Variants in COX7A2L observed in about 807,000 individuals in gnomAD.
The protein encoded by COX7A2L is cytochrome c oxidase subunit 7A2-like, mitochondrial.
COX7A2L carries 18 observed loss-of-function variants against 14.2 expected under a neutral mutation model. That is an observed-to-expected ratio of 1.27 (90% confidence interval 0.88 to 1.88). COX7A2L has a LOEUF of 1.88. Ranked by LOEUF, COX7A2L falls within the 40% of genes most tolerant of loss-of-function variation. The probability of loss-of-function intolerance (pLI) is 0.00; values close to 1 mark genes in which losing one functional copy is unlikely to be tolerated. For synonymous variants in COX7A2L, 65 were observed against 57.4 expected (o/e 1.13, Z -0.60); for missense variants, 179 against 138.8 (o/e 1.29, Z -1.46).
At chr2:42,367,042 T>A (rs1389969053) in intron 1 of COX7A2L, among the ~76,000 whole-genome samples, 1 of 152,216 alleles carries the variant, frequency 6.6e-6, no homozygotes, top group Non-Finnish European at 1.5e-5. Context: ...AATTTAAAAA[T>A]CAGATCACTT....
At chr2:42,337,142 C>T (rs376679863) in intron 2 of COX7A2L, among the ~76,000 whole-genome samples, 3 of 152,168 alleles carry the variant, frequency 2.0e-5, no homozygotes, top group African/African-American at 7.2e-5. Flanking sequence ...TACTCATGCA[C>T]TGAAACCATC....
chr2:42,352,969 T>G (rs1471283709), intron 2 of COX7A2L: 2 of 552,804 alleles, frequency 3.6e-6, no homozygotes, highest in South Asian at 5.5e-5. Flanking sequence ...GAGCTATTCA[T>G]GCCATTTCAA....
At chr2:42,357,020 C>A (rs1352329417) in intron 1 of COX7A2L, among the ~76,000 whole-genome samples, 14 of 152,178 alleles carry the variant, frequency 9.2e-5, no homozygotes, top group Admixed American at 9.2e-4. Flanking sequence ...GCCCCACCTC[C>A]AAAATTAATT....
rs896965343 is a variant in COX7A2L at position 42,349,476 on chromosome 2, T to C, written c.*1743A>G. ...GATGGTGGGAGGGAAGGCAAGTGAT[T>C]GCTAATGGGTATGGGGTTTCTTTTT... is the stretch of plus-strand genomic sequence containing the variant. On this transcript the variant is annotated 3_prime_UTR_variant, in exon 3 of 3. Transcript: ENST00000234301. 2.0e-5 allele frequency: 3 copies of C among 152,212 alleles called. No individual in the cohort carries two copies. Among genetic ancestry groups the C allele is most frequent in the African/African-American group, 7.2e-5 (3 of 41,446 alleles). The allele number at this position is 152,212 out of a possible 1,614,324, so 9.4% of individuals were successfully genotyped here.
chr2:42,344,068 C>A (rs953654944), intron 2 of COX7A2L, among the ~76,000 whole-genome samples: 1 of 152,200 alleles, frequency 6.6e-6, no homozygotes, highest in Non-Finnish European at 1.5e-5. Flanking sequence ...TTCAACCTTT[C>A]TTACCCTTGT....
At chr2:42,354,575 G>T (rs116531013) in intron 1 of COX7A2L, among the ~76,000 whole-genome samples, 1,615 of 152,166 alleles carry the variant, frequency 0.011, 34 homozygotes, top group African/African-American at 0.036. Context: ...AATTGACAGG[G>T]CATATTATAA....
intron 1 of COX7A2L, among the ~76,000 whole-genome samples, chr2:42,357,430 T>C (rs1558634621): frequency 6.6e-6 from 1 of 152,144 alleles, no homozygotes; most frequent in African/African-American, 2.4e-5. Context: ...CGCGTCAGCC[T>C]CCTGAGTAGC....
rs1360608030 is a variant in COX7A2L at position 42,339,113 on chromosome 2, T to A, written c.193-5244A>T. Among the ~76,000 whole-genome samples the A allele has an allele frequency of 7.2e-5, 11 of 152,252 alleles. No homozygotes were observed. Among genetic ancestry groups the A allele is most frequent in the Non-Finnish European group, 2.9e-5 (2 of 68,038 alleles). Reference sequence around the variant, plus strand: ...AAGCTGCCGTTCACCATGCCAAAGCTGAAGTGGTTTCTATGGGAAACTCTC... The same window carrying A: ...AAGCTGCCGTTCACCATGCCAAAGCAGAAGTGGTTTCTATGGGAAACTCTC... On this transcript the variant is annotated intron_variant, in intron 2 of 2. Transcript: ENST00000468711. This position sits in a 1 kb window ranked among gnomAD's most constrained non-coding sequence, Gnocchi z 5.4.
At chr2:42,352,984 C>A in intron 2 of COX7A2L, 1 of 576,354 alleles carries the variant, frequency 1.7e-6, no homozygotes, top group East Asian at 3.0e-5. Context: ...TTTCAAAACC[C>A]TCACACCCTT....
rs543751649 is a variant in COX7A2L at position 42,359,100 on chromosome 2, A to G, written c.72+1990T>C. 5.3e-5 allele frequency: 8 copies of G among 152,374 alleles called. No individual in the cohort carries two copies. The South Asian group carries it at 1.7e-3, about 32-fold the overall frequency. 9.4% of individuals were successfully genotyped at this position (152,374 alleles called of 1,614,324 possible). On this transcript the variant is annotated intron_variant, in intron 1 of 2. Transcript: ENST00000234301. ...TTAACTACTGATACGTACAACACGG[A>G]CTAACCTCAAAAATATTTTTTGAGC... is the stretch of plus-strand genomic sequence containing the variant.
chr2:42,362,682 C>T (rs1204966012), upstream of COX7A2L, among the ~76,000 whole-genome samples: 3 of 152,078 alleles, frequency 2.0e-5, no homozygotes, highest in Admixed American at 6.5e-5. Flanking sequence ...TGCAGGCTTA[C>T]GTTCAAGAGC....
chr2:42,345,057 C>T (rs574406364), downstream of COX7A2L, among the ~76,000 whole-genome samples: 63 of 152,110 alleles, frequency 4.1e-4, no homozygotes, highest in Admixed American at 1.5e-3. Flanking sequence ...CTTTGAACTC[C>T]TGAGTTATAA....
At chr2:42,367,105 A>C (rs1671178566) in intron 1 of COX7A2L, among the ~76,000 whole-genome samples, 1 of 152,204 alleles carries the variant, frequency 6.6e-6, no homozygotes, top group African/African-American at 2.4e-5. Flanking sequence ...TCAGATTCTC[A>C]GATGGTGGAG....
intron 1 of COX7A2L, 136 bp from the exon 2 acceptor site, chr2:42,353,479 C>T (rs1670715426): frequency 8.5e-7 from 1 of 1,173,412 alleles, no homozygotes; most frequent in African/African-American, 1.6e-5. Context: ...TGTCAAGAAC[C>T]CCTTGCCATT....
chr2:42,354,699 A>G (rs187561912), intron 1 of COX7A2L, among the ~76,000 whole-genome samples: 76 of 152,382 alleles, frequency 5.0e-4, no homozygotes, highest in Admixed American at 1.6e-3. Context: ...GACACAGTAC[A>G]GTAAATGGGA....
At chr2:42,358,920 G>T (rs905031336) in intron 1 of COX7A2L, among the ~76,000 whole-genome samples, 5 of 152,118 alleles carry the variant, frequency 3.3e-5, no homozygotes, top group Admixed American at 1.3e-4. Flanking sequence ...TGCCTGAGCC[G>T]GGGAGTTCGA....
At chr2:42,357,082 T>C (rs560154015) in intron 1 of COX7A2L, among the ~76,000 whole-genome samples, 2 of 152,366 alleles carry the variant, frequency 1.3e-5, no homozygotes, top group East Asian at 3.9e-4. Context: ...TCCTAGTTTA[T>C]TTCAATTGCT....
chr2:42,340,211 T>C (rs1185533635), intron 2 of COX7A2L, among the ~76,000 whole-genome samples: 6 of 152,224 alleles, frequency 3.9e-5, no homozygotes, highest in Admixed American at 1.3e-4. Flanking sequence ...GAAGCCAAGC[T>C]GCACCATCCT....
At chr2:42,344,702 A>C (rs1252928703), downstream of COX7A2L, among the ~76,000 whole-genome samples, 1 of 152,106 alleles carries the variant, frequency 6.6e-6, no homozygotes, top group Non-Finnish European at 1.5e-5. Context: ...AATACGAAAA[A>C]TTAGCCCACG....
Sources: gnomAD v4.1 joint callset for allele counts (sites outside exome capture counted in the v4.1 genomes callset) on GRCh38, gnomAD v4.1.1 for gene constraint, Gnocchi (gnomAD v3.1) non-coding constraint, MANE v1.5 for transcripts, NCBI Gene and HGNC (gene_info 2026-07-23, HGNC 2026-07-21) for gene names.